Variants in PLN observed in about 807,000 individuals in gnomAD.
PLN encodes cardiac phospholamban.
A neutral mutation model predicts 3.9 loss-of-function variants in PLN; 1 was observed. That is an observed-to-expected ratio of 0.26 (90% CI 0.09 to 1.23). The LOEUF (loss-of-function observed/expected upper bound fraction) is 1.23, where lower values mean the gene tolerates loss of function less well. PLN is among the 50% of genes most tolerant of loss of function. PLN has a pLI of 0.48. For missense variants in PLN, 59 were observed against 62.7 expected (o/e 0.94, Z 0.20); for synonymous variants, 21 against 20.5 (o/e 1.02, Z -0.07).
chr6:118,548,830 T>C (rs571378468), intron 1 of PLN, among the ~76,000 whole-genome samples: 2 of 152,170 alleles, frequency 1.3e-5, no homozygotes, highest in African/African-American at 2.4e-5. Flanking sequence ...TGAACTAATA[T>C]GAATAGTCAT....
intron 1 of PLN, among the ~76,000 whole-genome samples, chr6:118,549,311 G>A (rs1778396010): frequency 6.6e-6 from 1 of 151,778 alleles, no homozygotes; most frequent in Admixed American, 6.6e-5. Flanking sequence ...ATAAATGCCA[G>A]GAATGGAGAT....
chr6:118,549,983 T>C (rs1376873575), intron 1 of PLN, among the ~76,000 whole-genome samples: 1 of 151,924 alleles, frequency 6.6e-6, no homozygotes, highest in Non-Finnish European at 1.5e-5. Flanking sequence ...CATCTATACC[T>C]TAAGGTGCAA....
At position 118,559,843 on chromosome 6, in the gene PLN, T is replaced by C. The variant is rs1339582382; in HGVS notation, c.*763T>C. On this transcript the variant is annotated 3_prime_UTR_variant, in exon 2 of 2. Transcript: ENST00000357525. The stretch of plus-strand genomic sequence containing the variant: ...CAGATGAGAACTGGTGGTTAATATG[T>C]GACAGTGAGATTAGTCATATCACTA... The C allele has an allele frequency of 6.0e-6, 1 of 167,230 alleles. No individual in the cohort carries two copies. The highest frequency in any genetic ancestry group is 2.4e-5 in the African/African-American group (1 of 41,464). 10.4% of individuals were successfully genotyped at this position (167,230 alleles called of 1,614,324 possible).
intron 1 of PLN, among the ~76,000 whole-genome samples, chr6:118,549,880 T>C (rs1778438777): frequency 6.6e-6 from 1 of 151,906 alleles, no homozygotes; most frequent in African/African-American, 2.4e-5. Flanking sequence ...CTTAGCTCAC[T>C]AGTATGTCTC....
intron 1 of PLN, among the ~76,000 whole-genome samples, 175 bp from the exon 2 acceptor site, chr6:118,558,650 C>CAGAG (rs1433315078): frequency 1.5e-5 from 2 of 136,654 alleles, no homozygotes; most frequent in East Asian, 2.0e-4. Flanking sequence ...CACACACACA[C>CAGAG]ACACACACAC....
chr6:118,556,312 A>G (rs1171674532), intron 1 of PLN, among the ~76,000 whole-genome samples: 2 of 152,242 alleles, frequency 1.3e-5, no homozygotes, highest in African/African-American at 2.4e-5. Context: ...CAGGTAGTTA[A>G]TAACTCTTTA....
chr6:118,558,689 GGA>G (rs1339733111), intron 1 of PLN, 134 bp from the exon 2 acceptor site: 3 of 308,588 alleles, frequency 9.7e-6, no homozygotes, highest in South Asian at 4.4e-5. Context: ...AGAGAGAGAG[GGA>G]GAGAGACTAT....
rs891935732 is a variant in PLN, at chr6:118,561,497, A to G, written c.*2417A>G. ...ATAATTATTCTTCATCATAAAGTGT[A>G]AAGAATAAGATATAAGAAAACAATT... On this transcript the variant is annotated 3_prime_UTR_variant, in exon 2 of 2. Coordinates refer to ENST00000357525, the MANE Select transcript of PLN (RefSeq NM_002667.5). Among the ~76,000 whole-genome samples the G allele has an allele frequency of 6.6e-6, 1 of 152,146 alleles. No individual in the cohort carries two copies. Among genetic ancestry groups the G allele is most frequent in the African/African-American group, 2.4e-5 (1 of 41,454 alleles).
chr6:118,557,457 C>T (rs1330315644), intron 1 of PLN, among the ~76,000 whole-genome samples: 2 of 152,178 alleles, frequency 1.3e-5, no homozygotes, highest in South Asian at 2.1e-4. Flanking sequence ...TTTGTTATAA[C>T]ATTTAAGTAT....
rs537697221 is a variant in PLN at position 118,559,892 on chromosome 6, C to T, written c.*812C>T. 3.0e-5 allele frequency: 5 copies of T among 167,084 alleles called. No individual in the cohort carries two copies. In the South Asian group the frequency reaches 8.3e-4, roughly 28 times the overall value. The allele number at this position is 167,084 out of a possible 1,614,324, so 10.4% of individuals were successfully genotyped here. A position where few individuals can be genotyped will look rare whatever the true frequency, so the allele number is the denominator to read the frequency against. On this transcript the variant is annotated 3_prime_UTR_variant, in exon 2 of 2. Transcript: ENST00000357525. ...TAATATACTAACAACAGAATCTAATCTTCATTTAAGGCACTGTAGTGAATT... is the reference window on the plus strand; with the variant it reads ...TAATATACTAACAACAGAATCTAATTTTCATTTAAGGCACTGTAGTGAATT...
rs1263738272 is a variant in PLN at position 118,561,301 on chromosome 6, T to G, written c.*2221T>G. Among the ~76,000 whole-genome samples, 2 of 152,202 alleles carry G rather than the reference T, an allele frequency of 1.3e-5. No homozygotes were observed. Among genetic ancestry groups the G allele is most frequent in the Non-Finnish European group, 2.9e-5 (2 of 68,030 alleles). Reference sequence around the variant, plus strand: ...TAGTCTTAAAAACAAGTGGAAAATTTGAACTGATTAGTCATATTCCTTTGA... The same window carrying G: ...TAGTCTTAAAAACAAGTGGAAAATTGGAACTGATTAGTCATATTCCTTTGA... On this transcript the variant is annotated 3_prime_UTR_variant, in exon 2 of 2. Coordinates refer to ENST00000357525, the MANE Select transcript of PLN (RefSeq NM_002667.5).
At chr6:118,555,846 T>C (rs1287303521) in intron 1 of PLN, among the ~76,000 whole-genome samples, 1 of 149,092 alleles carries the variant, frequency 6.7e-6, no homozygotes, top group East Asian at 1.9e-4. Context: ...GTTTCCTTCT[T>C]TGTGTTCATA....
At position 118,561,696 on chromosome 6, in the gene PLN, A is replaced by T. The variant is rs919414226; in HGVS notation, c.*2616A>T. ...TGCAAATCAGAATCACTATATTAAA[A>T]TGAATGTTCTTGAAAACTCAGTGGG... is the stretch of plus-strand genomic sequence containing the variant. On this transcript the variant is annotated 3_prime_UTR_variant, in exon 2 of 2. Coordinates refer to ENST00000357525, the MANE Select transcript of PLN (RefSeq NM_002667.5). Among the ~76,000 whole-genome samples the T allele has an allele frequency of 6.6e-6, 1 of 152,166 alleles. No individual in the cohort carries two copies. Among genetic ancestry groups the T allele is most frequent in the Admixed American group, 6.5e-5 (1 of 15,276 alleles).
intron 1 of PLN, among the ~76,000 whole-genome samples, chr6:118,550,303 C>T (rs1171245171): frequency 6.6e-6 from 1 of 151,448 alleles, no homozygotes; most frequent in African/African-American, 2.4e-5. Context: ...TGCATAAATA[C>T]AATAGTTTCA....
intron 1 of PLN, among the ~76,000 whole-genome samples, chr6:118,551,343 T>C (rs1055874425): frequency 7.9e-5 from 12 of 151,692 alleles, no homozygotes; most frequent in South Asian, 2.1e-4. Flanking sequence ...AAAAAAAAGG[T>C]TGACTAACTC....
At chr6:118,553,443 G>C (rs1174187609) in intron 1 of PLN, among the ~76,000 whole-genome samples, 1 of 152,100 alleles carries the variant, frequency 6.6e-6, no homozygotes, top group Non-Finnish European at 1.5e-5. Context: ...ACAAATGTTG[G>C]TATTCAGTAG....
intron 1 of PLN, among the ~76,000 whole-genome samples, chr6:118,557,011 A>G (rs538728440): frequency 1.3e-4 from 20 of 152,334 alleles, no homozygotes; most frequent in Non-Finnish European, 1.8e-4. Context: ...ACTACTATTA[A>G]GTAGAAGTCT....
chr6:118,554,484 T>G (rs1778736019), intron 1 of PLN, among the ~76,000 whole-genome samples: 1 of 152,176 alleles, frequency 6.6e-6, no homozygotes, highest in Non-Finnish European at 1.5e-5. Flanking sequence ...TCTAATAGTT[T>G]TAGTCATAAA....
intron 1 of PLN, among the ~76,000 whole-genome samples, chr6:118,556,809 A>G (rs1215276766): frequency 1.3e-5 from 2 of 152,222 alleles, no homozygotes; most frequent in African/African-American, 4.8e-5. Context: ...ACACATAAGT[A>G]TACTGATTGA....
Sources: allele counts gnomAD v4.1 joint callset (sites outside exome capture counted in the v4.1 genomes callset), GRCh38; gene constraint gnomAD v4.1.1; transcripts MANE v1.5; gene names NCBI Gene and HGNC (gene_info 2026-07-23, HGNC 2026-07-21).